The following FOXK2 variants were observed in gnomAD, a reference collection of about 807,000 sequenced individuals.
FOXK2 encodes forkhead box K2, also known as forkhead box protein K2.
A neutral mutation model predicts 53.3 loss-of-function variants in FOXK2; 24 were observed. That is an observed-to-expected ratio of 0.45 (90% CI 0.33 to 0.63). The LOEUF is 0.63. FOXK2 is among the 30% of genes least tolerant of loss of function. The probability of loss-of-function intolerance (pLI) is 0.03; values close to 1 mark genes in which losing one functional copy is unlikely to be tolerated. For synonymous variants in FOXK2, 505 were observed against 407.1 expected (o/e 1.24, Z -2.89); for missense variants, 952 against 910.5 (o/e 1.05, Z -0.59).
At chr17:82,569,998 G>T (rs762013257) in intron 3 of FOXK2, among the ~76,000 whole-genome samples, 7 of 150,490 alleles carry the variant, frequency 4.7e-5, no homozygotes, top group South Asian at 4.2e-4. Context: ...CAAGGTGGGC[G>T]GATCACGAGG....
chr17:82,583,778 C>T (rs1042239046), intron 5 of FOXK2, among the ~76,000 whole-genome samples: 14 of 152,222 alleles, frequency 9.2e-5, no homozygotes, highest in Non-Finnish European at 1.8e-4. Context: ...ACAGCCGTGC[C>T]GCGTATGTGG....
intron 1 of FOXK2, among the ~76,000 whole-genome samples, chr17:82,555,748 C>T (rs1317696385): frequency 3.4e-5 from 5 of 146,724 alleles, no homozygotes; most frequent in East Asian, 2.0e-4. Context: ...AAAAAATTGG[C>T]GTGGGGGCGG....
chr17:82,578,261 G>C (rs1216918181), intron 4 of FOXK2: 1 of 152,350 alleles, frequency 6.6e-6, no homozygotes, highest in Non-Finnish European at 1.5e-5. Context: ...GTCTGCTTAG[G>C]AAGGCTGCAG....
intron 6 of FOXK2, chr17:82,585,323 T>A (rs2045121643): frequency 6.6e-6 from 1 of 152,230 alleles, no homozygotes; most frequent in East Asian, 1.9e-4. Context: ...CTTCTTTTTT[T>A]TTTTTTGTTC....
At chr17:82,595,592 C>T (rs986495590) in intron 8 of FOXK2, among the ~76,000 whole-genome samples, 6 of 152,164 alleles carry the variant, frequency 3.9e-5, no homozygotes, top group African/African-American at 1.2e-4. Flanking sequence ...TGTGAGCCAC[C>T]GCGCCCAGCC....
intron 1 of FOXK2, among the ~76,000 whole-genome samples, chr17:82,542,177 T>TTG (rs111715087): frequency 0.15 from 22,946 of 148,638 alleles, 2,152 homozygotes; most frequent in East Asian, 0.38. Context: ...TTTTTTTTTT[T>TTG]TTTGAGACAG....
chr17:82,582,502 G>A (rs1001460702), intron 4 of FOXK2, among the ~76,000 whole-genome samples: 4 of 152,134 alleles, frequency 2.6e-5, no homozygotes, highest in Non-Finnish European at 5.9e-5. Context: ...GTCACTCTCT[G>A]TCATCGTTTA....
Position 82,586,973 on chromosome 17 carries a change from G to T in FOXK2, c.1577-90G>T. On this transcript the variant is annotated intron_variant, in intron 7 of 8. Coordinates refer to ENST00000335255, the MANE Select transcript of FOXK2 (RefSeq NM_004514.4). ...TTTAGAGACATTTTCTAGCAGGTGTGATAGCTATCTGGTTATTATGTTTTA... is the reference window on the plus strand; with the variant it reads ...TTTAGAGACATTTTCTAGCAGGTGTTATAGCTATCTGGTTATTATGTTTTA... 11 of 1,154,876 alleles carry T rather than the reference G, an allele frequency of 9.5e-6. No homozygotes were observed. The South Asian group carries it at 1.4e-4, about 14-fold the overall frequency. The allele number at this position is 1,154,876 out of a possible 1,614,324, so 71.5% of individuals were successfully genotyped here.
At chr17:82,549,084 A>G (rs958541636) in intron 1 of FOXK2, among the ~76,000 whole-genome samples, 1 of 152,238 alleles carries the variant, frequency 6.6e-6, no homozygotes, top group Non-Finnish European at 1.5e-5. Flanking sequence ...AGTCTAAAAC[A>G]CATCCCGAAT....
chr17:82,527,010 G>A (rs1029587216), intron 1 of FOXK2, among the ~76,000 whole-genome samples: 2 of 152,104 alleles, frequency 1.3e-5, no homozygotes, highest in Non-Finnish European at 2.9e-5. Context: ...GTGTGTTTCC[G>A]TATTGAAGGG....
At chr17:82,585,412 C>A (rs1478134137) in intron 6 of FOXK2, 2 of 154,796 alleles carry the variant, frequency 1.3e-5, no homozygotes, top group African/African-American at 4.8e-5. Context: ...GCAGTCTCCA[C>A]CTTCCAGGCT....
At chr17:82,595,986 C>T (rs762439786) in intron 8 of FOXK2, 61 of 1,167,338 alleles carry the variant, frequency 5.2e-5, no homozygotes, top group East Asian at 6.6e-5. Context: ...TCCGAGTCAG[C>T]GTAGGAGAAA....
intron 1 of FOXK2, among the ~76,000 whole-genome samples, chr17:82,550,502 C>CTTTTT (rs1304088522): frequency 3.9e-5 from 5 of 126,876 alleles, no homozygotes; most frequent in Non-Finnish European, 6.6e-5. Context: ...CTGAGGCGGG[C>CTTTTT]TTTTTTTTTT....
chr17:82,561,721 A>G (rs1404485484), intron 1 of FOXK2, among the ~76,000 whole-genome samples: 2 of 152,060 alleles, frequency 1.3e-5, no homozygotes, highest in Admixed American at 1.3e-4. Flanking sequence ...CCCCGGCTAG[A>G]GGGTTGGGAA....
Position 82,590,582 on chromosome 17 carries a change from G to C in FOXK2, c.1786+3310G>C, listed in dbSNP as rs139375116. On this transcript the variant is annotated intron_variant, in intron 8 of 8. Transcript: ENST00000335255. Reference sequence around the variant, plus strand: ...GAAATTTGTAGTTCTTTATTCATATGTAGAGATTTCAGGCCTTTTCAGACA... The same window carrying C: ...GAAATTTGTAGTTCTTTATTCATATCTAGAGATTTCAGGCCTTTTCAGACA... Among the ~76,000 whole-genome samples, 147 of 152,196 alleles carry C rather than the reference G, an allele frequency of 9.7e-4. 2 individuals are homozygous for C. In the East Asian group the frequency reaches 0.023, roughly 24 times the overall value.
intron 2 of FOXK2, among the ~76,000 whole-genome samples, chr17:82,565,520 A>G (rs1419283492): frequency 6.6e-6 from 1 of 152,244 alleles, no homozygotes; most frequent in African/African-American, 2.4e-5. Context: ...TGTTTCAAAG[A>G]AGATATAGAA....
chr17:82,556,083 C>T (rs1189101800), intron 1 of FOXK2, among the ~76,000 whole-genome samples: 2 of 152,002 alleles, frequency 1.3e-5, no homozygotes, highest in Non-Finnish European at 2.9e-5. Context: ...GTGTGTGTAT[C>T]GTGCGTATGC....
At chr17:82,591,563 C>G (rs2045253002) in intron 8 of FOXK2, among the ~76,000 whole-genome samples, 1 of 152,158 alleles carries the variant, frequency 6.6e-6, no homozygotes, top group South Asian at 2.1e-4. Context: ...CAAGCTTGTT[C>G]CAGAGTGTGG....
At chr17:82,564,804 C>T (rs1177445292) in intron 2 of FOXK2, among the ~76,000 whole-genome samples, 4 of 149,868 alleles carry the variant, frequency 2.7e-5, no homozygotes, top group Admixed American at 6.7e-5. Context: ...GGTCTTGGCT[C>T]ACTGCATCCT....
Sources: gnomAD v4.1 joint callset for allele counts (sites outside exome capture counted in the v4.1 genomes callset) on GRCh38, gnomAD v4.1.1 for gene constraint, MANE v1.5 for transcripts, NCBI Gene and HGNC (gene_info 2026-07-23, HGNC 2026-07-21) for gene names.